CLTCL1: variants seen among roughly 807,000 people sequenced by gnomAD.
The protein encoded by CLTCL1 is clathrin heavy chain 2.
In CLTCL1, 159 loss-of-function variants were observed where a neutral mutation model predicts 190.0. The ratio of observed to expected loss-of-function variants is 0.84; its 90% CI spans 0.74 to 0.95. CLTCL1 has a LOEUF of 0.95. CLTCL1 is among the 40% of genes least tolerant of loss of function. The probability of loss-of-function intolerance (pLI) is 0.00; values close to 1 mark genes in which losing one functional copy is unlikely to be tolerated. For synonymous variants in CLTCL1, 752 were observed against 769.6 expected (o/e 0.98, Z 0.38); for missense variants, 1,878 against 2,033.4 (o/e 0.92, Z 1.47).
At chr22:19,232,218 C>T (rs145549745) in intron 10 of CLTCL1, among the ~76,000 whole-genome samples, 2 of 152,184 alleles carry the variant, frequency 1.3e-5, no homozygotes, top group Non-Finnish European at 2.9e-5. Flanking sequence ...GACATCCTCA[C>T]ACCCTACACC....
chr22:19,283,319 C>T (rs2087789622), intron 1 of CLTCL1, among the ~76,000 whole-genome samples: 1 of 151,960 alleles, frequency 6.6e-6, no homozygotes, highest in Middle Eastern at 3.2e-3. Flanking sequence ...CTTGCTCTGT[C>T]GCCAAGGCTG....
At chr22:19,270,090 G>A (rs1428342324) in intron 2 of CLTCL1, among the ~76,000 whole-genome samples, 4 of 152,250 alleles carry the variant, frequency 2.6e-5, no homozygotes, top group South Asian at 2.1e-4. Context: ...CTGGTGAATG[G>A]AAAAACAAAA....
chr22:19,281,294 CAAA>C (rs361827), intron 1 of CLTCL1, among the ~76,000 whole-genome samples: 50 of 116,450 alleles, frequency 4.3e-4, no homozygotes, highest in Admixed American at 8.6e-4. Context: ...GACCCTGTCT[CAAA>C]AAAAAAAAAA....
At chr22:19,249,180 G>A (rs1208394148) in intron 3 of CLTCL1, among the ~76,000 whole-genome samples, 2 of 152,086 alleles carry the variant, frequency 1.3e-5, no homozygotes, top group South Asian at 2.1e-4. Context: ...CTAACATGGT[G>A]AAACCCCATC....
intron 1 of CLTCL1, among the ~76,000 whole-genome samples, chr22:19,288,991 T>C (rs1555991720): frequency 6.6e-6 from 1 of 152,206 alleles, no homozygotes; most frequent in African/African-American, 2.4e-5. Flanking sequence ...GCTCATCGCA[T>C]CTTATTTTTT....
At chr22:19,208,897 C>A in intron 21 of CLTCL1, 25 bp downstream of exon 21, 6 of 1,573,414 alleles carry the variant, frequency 3.8e-6, no homozygotes, top group Non-Finnish European at 5.2e-6. Flanking sequence ...AGATGCAGAG[C>A]CCTAGGGAGA....
chr22:19,187,170 C>T (rs1464813144), intron 29 of CLTCL1, among the ~76,000 whole-genome samples: 1 of 152,108 alleles, frequency 6.6e-6, no homozygotes, highest in Non-Finnish European at 1.5e-5. Flanking sequence ...GCACTCCACC[C>T]ACCTCAACCT....
intron 3 of CLTCL1, among the ~76,000 whole-genome samples, chr22:19,247,193 C>T (rs1460992188): frequency 6.6e-6 from 1 of 152,128 alleles, no homozygotes; most frequent in Non-Finnish European, 1.5e-5. Context: ...GGCAGGTGAC[C>T]AACTCCATTC....
In CLTCL1 at chr22:19,254,131, A is replaced by T. The variant is rs1601657357; in HGVS notation, c.347T>A (p.Val116Glu). Residue 116 changes from valine to glutamate, a missense_variant, in exon 3 of 33, where the codon GTG becomes GAG. Transcript: ENST00000427926. ...EEVIFWKWVS[V>E]NTVALVTETA... ...CTCGGTCACCAAGGCAACAGTGTTC[A>T]CAGAAACCCATTTCCAGAAAATCAC... The T allele has an allele frequency of 6.2e-7, 1 of 1,613,798 alleles. No homozygotes were observed. The highest frequency in any genetic ancestry group is 1.7e-5 in the Admixed American group (1 of 59,990).
intron 3 of CLTCL1, among the ~76,000 whole-genome samples, chr22:19,252,805 G>T (rs181964762): frequency 4.9e-4 from 74 of 152,280 alleles, no homozygotes; most frequent in African/African-American, 1.5e-3. Context: ...ACGAGGTCAG[G>T]AGATCAAGGC....
At chr22:19,197,250 G>A (rs969382694) in intron 24 of CLTCL1, among the ~76,000 whole-genome samples, 1 of 152,078 alleles carries the variant, frequency 6.6e-6, no homozygotes, top group Non-Finnish European at 1.5e-5. Flanking sequence ...GTCCGACCTA[G>A]AGGACTGCCT....
intron 3 of CLTCL1, among the ~76,000 whole-genome samples, chr22:19,249,597 G>A (rs57602140): frequency 0.035 from 5,300 of 151,946 alleles, 310 homozygotes; most frequent in African/African-American, 0.12. Flanking sequence ...CTGGAAGGCT[G>A]AGATAGGAGA....
intron 3 of CLTCL1, among the ~76,000 whole-genome samples, chr22:19,249,189 T>G (rs2086512663): frequency 6.6e-6 from 1 of 152,152 alleles, no homozygotes; most frequent in East Asian, 1.9e-4. Flanking sequence ...TGAAACCCCA[T>G]CTCTACTAAA....
At chr22:19,222,239 GTCCT>G in intron 15 of CLTCL1, 146 bp from the exon 16 acceptor site, 1 of 776,730 alleles carries the variant, frequency 1.3e-6, no homozygotes, top group Non-Finnish European at 2.1e-6. Context: ...ACCTGCTGAT[GTCCT>G]AACCCCTAGT....
At chr22:19,242,696 G>T in intron 4 of CLTCL1, 79 bp downstream of exon 4, 1 of 1,496,974 alleles carries the variant, frequency 6.7e-7, no homozygotes, top group Non-Finnish European at 9.2e-7. Flanking sequence ...TGCAGGCCAT[G>T]CCCAGCCACA....
At chr22:19,180,911 A>G (rs782081457) in intron 30 of CLTCL1, 105 bp from the exon 31 acceptor site, 128 of 940,552 alleles carry the variant, frequency 1.4e-4, no homozygotes, top group Non-Finnish European at 2.0e-4. Flanking sequence ...CAGGAGAATG[A>G]CAGTGGAGGA....
chr22:19,242,632 C>T (rs990239329), intron 4 of CLTCL1, 143 bp downstream of exon 4: 50 of 905,552 alleles, frequency 5.5e-5, no homozygotes, highest in Non-Finnish European at 8.3e-5. Context: ...TAATCATGTG[C>T]ATCACGGTGC....
At chr22:19,284,519 G>T (rs2146369531) in intron 1 of CLTCL1, among the ~76,000 whole-genome samples, 1 of 152,208 alleles carries the variant, frequency 6.6e-6, no homozygotes, top group South Asian at 2.1e-4. Flanking sequence ...AATCAGCTGG[G>T]TGTGGTGGCG....
intron 1 of CLTCL1, among the ~76,000 whole-genome samples, chr22:19,288,548 A>G (rs1407030858): frequency 6.6e-6 from 1 of 152,234 alleles, no homozygotes; most frequent in Admixed American, 6.5e-5. Context: ...AGATGAAGAT[A>G]TAGAAGCACA....
Sources: gnomAD v4.1 joint callset for allele counts (sites outside exome capture counted in the v4.1 genomes callset) on GRCh38, gnomAD v4.1.1 for gene constraint, MANE v1.5 for transcripts, NCBI Gene and HGNC (gene_info 2026-07-23, HGNC 2026-07-21) for gene names.